RNF212: variants seen among roughly 807,000 people sequenced by gnomAD.
RNF212 encodes the protein probable E3 SUMO-protein ligase RNF212.
A neutral mutation model predicts 34.7 loss-of-function variants in RNF212; 33 were observed. The observed-to-expected ratio is 0.95, with a 90% CI of 0.72 to 1.27. The LOEUF (loss-of-function observed/expected upper bound fraction) is 1.27. Among genes scored for constraint, RNF212 ranks in the 50% most tolerant of loss-of-function variants. The pLI, the probability that RNF212 is intolerant of heterozygous loss-of-function variation, is 0.00. For synonymous variants in RNF212, 140 were observed against 136.1 expected (o/e 1.03, Z -0.20); for missense variants, 377 against 362.2 (o/e 1.04, Z -0.33).
chr4:1,094,058 A>G (rs751940372), intron 3 of RNF212: 5 of 1,338,960 alleles, frequency 3.7e-6, no homozygotes, highest in Non-Finnish European at 3.9e-6. Context: ...AAGCTCCCAG[A>G]GGAGGACAGT....
At chr4:1,081,648 T>C in intron 5 of RNF212, 29 bp from the exon 6 acceptor site, 1 of 1,540,612 alleles carries the variant, frequency 6.5e-7, no homozygotes, top group Non-Finnish European at 9.0e-7. Context: ...GGTATTGAAT[T>C]AAATCATAAA....
intron 4 of RNF212, chr4:1,057,091 T>A: frequency 1.6e-6 from 1 of 638,210 alleles, no homozygotes; most frequent in Non-Finnish European, 2.0e-6. Context: ...TTTGTGGTTT[T>A]AAAGGCCTGG....
intron 5 of RNF212, 89 bp from the exon 6 acceptor site, chr4:1,081,708 A>G: frequency 1.1e-6 from 1 of 895,510 alleles, no homozygotes; most frequent in Non-Finnish European, 1.8e-6. Flanking sequence ...GAAGGCTCTG[A>G]ATCAGTGAAA....
chr4:1,070,889 TA>T (rs1718432412), downstream of RNF212, among the ~76,000 whole-genome samples: 1 of 152,152 alleles, frequency 6.6e-6, no homozygotes, highest in Admixed American at 6.5e-5. Flanking sequence ...GTTTTTTTTT[TA>T]ATACTGTTCT....
chr4:1,074,177 T>C (rs1718899481), intron 8 of RNF212, among the ~76,000 whole-genome samples: 1 of 152,142 alleles, frequency 6.6e-6, no homozygotes, highest in South Asian at 2.1e-4. Flanking sequence ...CAGGAACCTG[T>C]GAACCCAGAG....
chr4:1,095,748 T>C (rs1314166919), intron 3 of RNF212, among the ~76,000 whole-genome samples: 8 of 30,472 alleles, frequency 2.6e-4, no homozygotes, highest in Non-Finnish European at 4.0e-4. Context: ...CAAGCACACC[T>C]CCCACAGCTC....
At chr4:1,077,947 G>A (rs192334979) in intron 8 of RNF212, among the ~76,000 whole-genome samples, 5 of 152,296 alleles carry the variant, frequency 3.3e-5, no homozygotes, top group East Asian at 1.9e-4. Context: ...GAGAGGATGC[G>A]TGTGCTTGAC....
intron 3 of RNF212, 100 bp downstream of exon 3, chr4:1,096,651 TCGGGATAGTGCACC>T: frequency 1.4e-6 from 1 of 736,760 alleles, no homozygotes; most frequent in African/African-American, 1.9e-5. Flanking sequence ...CTCCATGGTC[TCGGGATAGTGCACC>T]TGGCTCATCA....
rs548372190 is a variant in RNF212, at chr4:1,073,509, T to C, written c.574+90A>G. 448 of 1,036,446 alleles carry C rather than the reference T, an allele frequency of 4.3e-4. 7 individuals are homozygous for C. In the South Asian group the frequency reaches 5.6e-3, roughly 13 times the overall value. The allele number at this position is 1,036,446 out of a possible 1,614,324, so 64.2% of individuals were successfully genotyped here. ...GAAGGACAGCACCCCCTTGGGTAGG[T>C]TCTGACAGCTTTGATTAAACATGAC... On this transcript the variant is annotated intron_variant, in intron 9 of 9. Coordinates refer to ENST00000433731, the MANE Select transcript of RNF212 (RefSeq NM_001131034.4).
intron 8 of RNF212, 123 bp downstream of exon 8, chr4:1,079,520 G>C: frequency 1.3e-6 from 1 of 756,588 alleles, no homozygotes; most frequent in Non-Finnish European, 2.4e-6. Context: ...AGCACACGAA[G>C]CAGCAGCACT....
chr4:1,106,881 G>GA (rs1248064034), intron 2 of RNF212, among the ~76,000 whole-genome samples: 2 of 152,190 alleles, frequency 1.3e-5, no homozygotes, highest in African/African-American at 2.4e-5. Context: ...TTATGCCACA[G>GA]AAATATTCTT....
At chr4:1,110,749 AC>A (rs1336588079) in intron 1 of RNF212, among the ~76,000 whole-genome samples, 1 of 152,154 alleles carries the variant, frequency 6.6e-6, no homozygotes, top group Non-Finnish European at 1.5e-5. Flanking sequence ...GTGACACACC[AC>A]TGGACAGCTA....
At chr4:1,073,912 C>T (rs1174621722) in intron 8 of RNF212, among the ~76,000 whole-genome samples, 1 of 151,844 alleles carries the variant, frequency 6.6e-6, no homozygotes, top group Non-Finnish European at 1.5e-5. Context: ...GGGCCTAAAA[C>T]AGTGAACGGA....
intron 3 of RNF212, among the ~76,000 whole-genome samples, chr4:1,061,019 C>G (rs6817989): frequency 6.6e-6 from 1 of 152,102 alleles, no homozygotes; most frequent in Admixed American, 6.5e-5. Context: ...ACCATTCAGG[C>G]CTCTGGAAAT....
At position 1,113,518 on chromosome 4, in the gene RNF212, G is replaced by T. The variant is rs1364986949; in HGVS notation, c.-54C>A. The T allele has an allele frequency of 2.7e-6, 4 of 1,470,758 alleles. No homozygotes were observed. Among genetic ancestry groups the T allele is most frequent in the Middle Eastern group, 1.9e-4 (1 of 5,304 alleles). The allele number at this position is 1,470,758 out of a possible 1,614,324, so 91.1% of individuals were successfully genotyped here. A position where few individuals can be genotyped will look rare whatever the true frequency, so the allele number is the denominator to read the frequency against. On this transcript the variant is annotated 5_prime_UTR_variant, in exon 1 of 10. Transcript: ENST00000433731. ...CGGGCCCACGCGAAGCCCACGCAAGGTTGGGACCAGCCTCCCCGCGCAGGG... is the reference window on the plus strand; with the variant it reads ...CGGGCCCACGCGAAGCCCACGCAAGTTTGGGACCAGCCTCCCCGCGCAGGG...
intron 2 of RNF212, among the ~76,000 whole-genome samples, chr4:1,107,948 A>G (rs1035884641): frequency 6.6e-6 from 1 of 152,216 alleles, no homozygotes; most frequent in Non-Finnish European, 1.5e-5. Flanking sequence ...TAGAGAGAAC[A>G]AAAGGCATTG....
intron 4 of RNF212, 139 bp downstream of exon 4, chr4:1,090,643 C>G: frequency 1.5e-6 from 1 of 656,784 alleles, no homozygotes; most frequent in Non-Finnish European, 2.7e-6. Flanking sequence ...GACAACGTCC[C>G]CATAGCTGGA....
At chr4:1,106,156 C>G (rs923823490) in intron 2 of RNF212, among the ~76,000 whole-genome samples, 1 of 152,066 alleles carries the variant, frequency 6.6e-6, no homozygotes, top group Non-Finnish European at 1.5e-5. Context: ...GACCAGCATT[C>G]GGAAGACACT....
intron 3 of RNF212, among the ~76,000 whole-genome samples, chr4:1,063,016 T>C (rs1717848320): frequency 6.6e-6 from 1 of 152,238 alleles, no homozygotes; most frequent in Non-Finnish European, 1.5e-5. Flanking sequence ...CAAGATTTCT[T>C]CACTGAAAAC....
Sources: allele counts gnomAD v4.1 joint callset (sites outside exome capture counted in the v4.1 genomes callset), GRCh38; gene constraint gnomAD v4.1.1; transcripts MANE v1.5; gene names NCBI Gene and HGNC (gene_info 2026-07-23, HGNC 2026-07-21).